Variants in RSRC2 observed in about 807,000 individuals in gnomAD.
RSRC2 encodes the protein arginine and serine rich coiled-coil 2.
Under a neutral mutation model 61.3 loss-of-function variants are expected in RSRC2, and 5 were observed. The ratio of observed to expected loss-of-function variants is 0.08; its 90% CI spans 0.04 to 0.17. The LOEUF is 0.17. RSRC2 is among the 10% of genes least tolerant of loss of function. The pLI, the probability that RSRC2 is intolerant of heterozygous loss-of-function variation, is 1.00. For missense variants in RSRC2, 381 were observed against 518.8 expected (o/e 0.73, Z 2.58); for synonymous variants, 202 against 166.5 (o/e 1.21, Z -1.64).
At chr12:122,509,795 A>C (rs1958357551) in intron 7 of RSRC2, among the ~76,000 whole-genome samples, 1 of 152,102 alleles carries the variant, frequency 6.6e-6, no homozygotes, top group Non-Finnish European at 1.5e-5. Context: ...TTTCATACCA[A>C]ATCAACAGTA....
In RSRC2 at chr12:122,526,930, T is replaced by G; in HGVS notation, c.-77A>C. ...GTACCGGCCGCTCCGAAGCTTCGCC[T>G]CAGACTAAATCGCTCGCGCGAGAGA... On this transcript the variant is annotated 5_prime_UTR_variant, in exon 1 of 10. Coordinates refer to ENST00000331738, the MANE Select transcript of RSRC2 (RefSeq NM_023012.6). 6.4e-7 allele frequency: 1 copy of G among 1,552,040 alleles called. No homozygotes were observed. The highest frequency in any genetic ancestry group is 1.1e-5 in the South Asian group (1 of 89,692).
At chr12:122,506,718 A>C (rs1157184345) in intron 9 of RSRC2, 116 bp downstream of exon 9, 27 of 682,312 alleles carry the variant, frequency 4.0e-5, no homozygotes, top group Non-Finnish European at 6.0e-5. Flanking sequence ...AGGTGGTGGG[A>C]AAGAACTCAA....
chr12:122,525,815 T>C (rs1236762061), intron 1 of RSRC2, among the ~76,000 whole-genome samples: 1 of 6,544 alleles, frequency 1.5e-4, no homozygotes, highest in East Asian at 0.02. Context: ...TTTTTTTTTT[T>C]TTTTTTTTTT....
intron 2 of RSRC2, 74 bp downstream of exon 2, chr12:122,522,067 ATG>A: frequency 1.4e-6 from 2 of 1,409,710 alleles, no homozygotes; most frequent in Non-Finnish European, 1.9e-6. Context: ...AACTAAATGT[ATG>A]TGTCTTCTTA....
rs554866011 is a variant in RSRC2, at chr12:122,521,448, AT to A, written c.164-21del. ...CATTATCTGTGAATACACAAAAAAA[AT>A]AATCACCATAAACAAAGTTGGAGAA... On this transcript the variant is annotated intron_variant, in intron 2 of 9. Transcript: ENST00000331738. 2,479 of 1,603,950 alleles carry A rather than the reference AT, an allele frequency of 1.5e-3. 2 individuals are homozygous for A. Among genetic ancestry groups the A allele is most frequent in the Non-Finnish European group, 1.8e-3 (2,144 of 1,171,364 alleles).
At chr12:122,517,549 T>C (rs1959032723) in intron 4 of RSRC2, 119 bp from the exon 5 acceptor site, 1 of 1,175,946 alleles carries the variant, frequency 8.5e-7, no homozygotes, top group African/African-American at 1.6e-5. Context: ...TGCACTATAT[T>C]ATTTACAGAA....
intron 8 of RSRC2, chr12:122,507,228 A>C: frequency 2.9e-6 from 1 of 339,700 alleles, no homozygotes; most frequent in Non-Finnish European, 5.6e-6. Flanking sequence ...AAATACAAAA[A>C]ACTAGCCTGG....
chr12:122,514,266 G>GTTTTTTTT, intron 6 of RSRC2, among the ~76,000 whole-genome samples: 1 of 137,290 alleles, frequency 7.3e-6, no homozygotes, highest in Non-Finnish European at 1.5e-5. Flanking sequence ...GTGTGTGTGT[G>GTTTTTTTT]TGTGTTTTTT....
chr12:122,526,361 G>A (rs1960398588), intron 1 of RSRC2: 1 of 159,430 alleles, frequency 6.3e-6, no homozygotes, highest in Non-Finnish European at 1.4e-5. Context: ...GCAACTAGAA[G>A]CATCTCATTG....
chr12:122,526,780 G>T, intron 1 of RSRC2, 68 bp downstream of exon 1: 1 of 1,567,226 alleles, frequency 6.4e-7, no homozygotes, highest in Non-Finnish European at 8.8e-7. Flanking sequence ...GGTTCTGGGA[G>T]CCGTTCACCC....
Position 122,508,434 on chromosome 12 carries a change from T to C in RSRC2, c.819A>G (p.Gly273=). Residue 273 remains glycine, a synonymous_variant, in exon 8 of 10, where the codon GGA becomes GGG. Transcript: ENST00000331738. The part of the protein sequence containing the change: ...QQEIAAAAAT[G]GSVLNVAALL... Reference sequence around the variant, plus strand: ...GGGCAGCAACATTGAGAACAGAACCTCCAGTAGCTGCAGCTGCTTGAAGAG... The same window carrying C: ...GGGCAGCAACATTGAGAACAGAACCCCCAGTAGCTGCAGCTGCTTGAAGAG... 4 of 1,613,672 alleles carry C rather than the reference T, an allele frequency of 2.5e-6. No individual in the cohort carries two copies. Among genetic ancestry groups the C allele is most frequent in the Non-Finnish European group, 3.4e-6 (4 of 1,179,660 alleles).
intron 4 of RSRC2, 75 bp from the exon 5 acceptor site, chr12:122,517,505 A>C: frequency 7.7e-6 from 12 of 1,562,198 alleles, no homozygotes; most frequent in Non-Finnish European, 1.1e-5. Flanking sequence ...TGAATTAGTT[A>C]CTTGTAGTAA....
chr12:122,514,722 A>G (rs1958781187), intron 6 of RSRC2: 9 of 1,162,764 alleles, frequency 7.7e-6, no homozygotes, highest in Non-Finnish European at 1.0e-5. Context: ...TGTTTCAGGT[A>G]TTTTGTCTAT....
chr12:122,520,584 G>A (rs1383315135), intron 3 of RSRC2: 4 of 1,365,158 alleles, frequency 2.9e-6, no homozygotes, highest in African/African-American at 1.5e-5. Flanking sequence ...TAAGCACGCT[G>A]AGTATGATTT....
rs750092794 is a variant in RSRC2, at chr12:122,522,320, G to C, written c.7-21C>G. 3.2e-6 allele frequency: 5 copies of C among 1,566,158 alleles called. No individual in the cohort carries two copies. The African/African-American group carries it at 4.2e-5, about 13-fold the overall frequency. The stretch of plus-strand genomic sequence containing the variant: ...CTAGCCTAAAAGTTTAAAAACAAAT[G>C]ATTAAAGTTCTTAATTACATTTTAA... On this transcript the variant is annotated intron_variant, in intron 1 of 9. Coordinates refer to ENST00000331738, the MANE Select transcript of RSRC2 (RefSeq NM_023012.6).
intron 6 of RSRC2, among the ~76,000 whole-genome samples, chr12:122,512,584 T>TA (rs766404679): frequency 2.4e-4 from 37 of 151,890 alleles, no homozygotes; most frequent in Non-Finnish European, 2.9e-4. Flanking sequence ...TACAAAAAAT[T>TA]AGCAGGGCGT....
intron 1 of RSRC2, among the ~76,000 whole-genome samples, chr12:122,526,614 A>G (rs1960511962): frequency 6.6e-6 from 1 of 151,990 alleles, no homozygotes; most frequent in Admixed American, 6.6e-5. Flanking sequence ...GTTGGGGAAG[A>G]GAGGAGGAAA....
chr12:122,517,606 ATT>A (rs536692030), intron 4 of RSRC2, among the ~76,000 whole-genome samples, 176 bp from the exon 5 acceptor site: 1 of 152,202 alleles, frequency 6.6e-6, no homozygotes, highest in East Asian at 1.9e-4. Flanking sequence ...CGAACCCTTC[ATT>A]TTGTTTGATA....
intron 7 of RSRC2, among the ~76,000 whole-genome samples, chr12:122,508,719 G>A (rs1958280513): frequency 6.6e-6 from 1 of 152,104 alleles, no homozygotes; most frequent in African/African-American, 2.4e-5. Flanking sequence ...CACTTTGGGA[G>A]GCTGAGGTGG....
Sources: gnomAD v4.1 joint callset for allele counts (sites outside exome capture counted in the v4.1 genomes callset) on GRCh38, gnomAD v4.1.1 for gene constraint, MANE v1.5 for transcripts, NCBI Gene and HGNC (gene_info 2026-07-23, HGNC 2026-07-21) for gene names.